The following FAM161B variants were observed in gnomAD, a reference collection of about 807,000 sequenced individuals.
FAM161B encodes the protein protein FAM161B.
In FAM161B, 46 loss-of-function variants were observed where a neutral mutation model predicts 61.5. The ratio of observed to expected loss-of-function variants is 0.75; its 90% CI spans 0.59 to 0.96. The LOEUF (loss-of-function observed/expected upper bound fraction) is 0.96, where lower values mean the gene tolerates loss of function less well. FAM161B is among the 40% of genes least tolerant of loss of function. The pLI is 0.00. For missense variants in FAM161B, 774 were observed against 800.7 expected (o/e 0.97, Z 0.40); for synonymous variants, 284 against 302.7 (o/e 0.94, Z 0.64).
At chr14:73,946,769 G>A (rs536124465) in intron 1 of FAM161B, among the ~76,000 whole-genome samples, 164 bp from the exon 2 acceptor site, 2 of 152,282 alleles carry the variant, frequency 1.3e-5, no homozygotes, top group African/African-American at 4.8e-5. Context: ...CACTTTGGGA[G>A]GAATTTTTAA....
In FAM161B at chr14:73,950,057, ACAGCGATAGTGG is replaced by A; in HGVS notation, c.-43_-32del. 1 of 1,610,282 alleles carries A rather than the reference ACAGCGATAGTGG, an allele frequency of 6.2e-7. No homozygotes were observed. Among genetic ancestry groups the A allele is most frequent in the Middle Eastern group, 1.6e-4 (1 of 6,062 alleles). On this transcript the variant is annotated 5_prime_UTR_variant, in exon 1 of 9. Coordinates refer to ENST00000286544, the MANE Select transcript of FAM161B (RefSeq NM_152445.3). ...CTGGACAGAGGCAGCAGCGACAGTG[ACAGCGATAGTGG>A]CAGCAGCGGTGGCAGCGAGAGCTAT...
At chr14:73,926,429 GTTTTGT>G in the FAM161B span, among the ~76,000 whole-genome samples, 6 of 150,442 alleles carry the variant, frequency 4.0e-5, no homozygotes, top group South Asian at 1.0e-3. Flanking sequence ...TTTTTGTTTT[GTTTTGT>G]TTTTGTTTTT....
At chr14:73,929,170 TAGCATTA>T (rs776432333), downstream of FAM161B, among the ~76,000 whole-genome samples, 307 of 152,346 alleles carry the variant, frequency 2.0e-3, no homozygotes, top group Non-Finnish European at 2.4e-3. Context: ...TCTTCACTTT[TAGCATTA>T]TTCTCCTCCT....
the FAM161B span, among the ~76,000 whole-genome samples, chr14:73,926,058 T>C: frequency 6.6e-6 from 1 of 152,094 alleles, no homozygotes; most frequent in East Asian, 1.9e-4. Context: ...CAATTAACTT[T>C]ATACTGTTCT....
At chr14:73,931,211 C>T (rs1248965941), downstream of FAM161B, among the ~76,000 whole-genome samples, 2 of 152,168 alleles carry the variant, frequency 1.3e-5, no homozygotes, top group Non-Finnish European at 2.9e-5. Flanking sequence ...GTTAGAGATT[C>T]CTCTGTCACT....
chr14:73,947,262 G>A (rs955939971), intron 1 of FAM161B, among the ~76,000 whole-genome samples: 9 of 151,834 alleles, frequency 5.9e-5, no homozygotes, highest in Non-Finnish European at 1.3e-4. Context: ...GCGGGTGCCT[G>A]TAATCTCAGC....
chr14:73,928,227 G>A (rs1241220465), downstream of FAM161B, among the ~76,000 whole-genome samples: 1 of 152,152 alleles, frequency 6.6e-6, no homozygotes, highest in Non-Finnish European at 1.5e-5. Flanking sequence ...TGGGAGGGAT[G>A]AATAGACATC....
chr14:73,941,039 T>C lies in FAM161B; in HGVS notation c.1287A>G (p.Pro429=), dbSNP rs751288370. Residue 429 remains proline (P), a synonymous_variant, in exon 5 of 9, where the codon CCA becomes CCG. Coordinates refer to ENST00000286544, the MANE Select transcript of FAM161B (RefSeq NM_152445.3). ...TTGRRQDSPQ[P]PATPLPRSRS... ...GACTCCTTGGCAGGGGTGTAGCTGG[T>C]GGCTGTGGGGAATCCTAGAAGAAAC... 3 of 1,601,478 alleles carry C rather than the reference T, an allele frequency of 1.9e-6. No homozygotes were observed. Among genetic ancestry groups the C allele is most frequent in the Admixed American group, 3.4e-5 (2 of 59,446 alleles).
At chr14:73,941,284 C>A (rs529373345) in intron 4 of FAM161B, among the ~76,000 whole-genome samples, 1 of 152,066 alleles carries the variant, frequency 6.6e-6, no homozygotes, top group South Asian at 2.1e-4. Flanking sequence ...CCATGCCCAG[C>A]TACATTTTTG....
At chr14:73,934,458 C>A in intron 8 of FAM161B, 64 bp from the exon 9 acceptor site, 3 of 1,500,720 alleles carry the variant, frequency 2.0e-6, no homozygotes, top group Non-Finnish European at 1.8e-6. Context: ...GTCTCACTCT[C>A]ACCCAGGCTG....
rs1427731919 is a variant in FAM161B at position 73,932,301 on chromosome 14, C to T, written c.*1955G>A. The T allele has an allele frequency of 3.0e-6, 1 of 335,012 alleles. No homozygotes were observed. The highest frequency in any genetic ancestry group is 4.5e-5 in the Admixed American group (1 of 22,324). 20.8% of individuals were successfully genotyped at this position (335,012 alleles called of 1,614,324 possible). On this transcript the variant is annotated 3_prime_UTR_variant, in exon 9 of 9. Transcript: ENST00000286544. ...TCAGTTCTTTGGCTCTTGTTTTATA[C>T]AAAATTTGTTTTCTTAGAGATTAAG...
At chr14:73,926,142 T>C in the FAM161B span, among the ~76,000 whole-genome samples, 1 of 152,232 alleles carries the variant, frequency 6.6e-6, no homozygotes, top group Admixed American at 6.5e-5. Flanking sequence ...TGTAGGCATG[T>C]CATTTCTTCT....
At chr14:73,941,152 CT>C in intron 4 of FAM161B, 99 bp from the exon 5 acceptor site, 1 of 1,351,940 alleles carries the variant, frequency 7.4e-7, no homozygotes. Context: ...TCGTCTCGCT[CT>C]TTTGCCCAGG....
chr14:73,934,293 G>A lies in FAM161B; in HGVS notation c.1907C>T (p.Ser636Phe), dbSNP rs578167477. Residue 636 changes from serine to phenylalanine, a missense_variant, in exon 9 of 9, where the codon TCT becomes TTT. Coordinates refer to ENST00000286544, the MANE Select transcript of FAM161B (RefSeq NM_152445.3). The stretch of plus-strand genomic sequence containing the variant: ...TACGAGATTTTCTGGTGACTGATGA[G>A]ACAGCTCCTCCAGTACTTTCCTGGG... ...ASPRKVLEEL[S>F]HQSPENLVSL... 3 of 1,614,048 alleles carry A rather than the reference G, an allele frequency of 1.9e-6. No homozygotes were observed. Among genetic ancestry groups the A allele is most frequent in the East Asian group, 4.5e-5 (2 of 44,874 alleles).
In FAM161B at chr14:73,934,154, C is replaced by CT. The variant is rs2055950593; in HGVS notation, c.*101dup. The CT allele has an allele frequency of 1.9e-5, 26 of 1,392,424 alleles. No individual in the cohort carries two copies. The highest frequency in any genetic ancestry group is 2.5e-5 in the Non-Finnish European group (25 of 1,019,978). 86.3% of individuals were successfully genotyped at this position (1,392,424 alleles called of 1,614,324 possible). Reference sequence around the variant, plus strand: ...CTGCTACTCTTCATTTGTCCATCCTCTAACAGTAGCCATGACTCAAAACCC... The same window carrying CT: ...CTGCTACTCTTCATTTGTCCATCCTCTTAACAGTAGCCATGACTCAAAACCC... On this transcript the variant is annotated 3_prime_UTR_variant, in exon 9 of 9. Coordinates refer to ENST00000286544, the MANE Select transcript of FAM161B (RefSeq NM_152445.3).
chr14:73,941,258 T>C (rs2056016280), intron 4 of FAM161B, among the ~76,000 whole-genome samples: 1 of 151,956 alleles, frequency 6.6e-6, no homozygotes, highest in South Asian at 2.1e-4. Context: ...GCTGGGACTA[T>C]ACAGGTTGTG....
chr14:73,941,205 G>A, intron 4 of FAM161B, 152 bp from the exon 5 acceptor site: 1 of 990,504 alleles, frequency 1.0e-6, no homozygotes, highest in Non-Finnish European at 1.4e-6. Flanking sequence ...GCAACCTCCA[G>A]CTGCCTGGTT....
chr14:73,945,196 T>C (rs1015690051), intron 2 of FAM161B, among the ~76,000 whole-genome samples: 1 of 152,230 alleles, frequency 6.6e-6, no homozygotes, highest in African/African-American at 2.4e-5. Flanking sequence ...CTTCAAACTT[T>C]GAGCAAAGTT....
intron 3 of FAM161B, among the ~76,000 whole-genome samples, chr14:73,944,065 G>A (rs528140139): frequency 5.3e-5 from 8 of 152,284 alleles, no homozygotes; most frequent in Admixed American, 3.9e-4. Flanking sequence ...ACCTGTGCTG[G>A]TGCAGAGGCC....
Sources: gnomAD v4.1 joint callset for allele counts (sites outside exome capture counted in the v4.1 genomes callset) on GRCh38, gnomAD v4.1.1 for gene constraint, MANE v1.5 for transcripts, NCBI Gene and HGNC (gene_info 2026-07-23, HGNC 2026-07-21) for gene names.